The following VWA5B2 variants were observed in gnomAD, a reference collection of about 807,000 sequenced individuals.
VWA5B2 encodes the protein von Willebrand factor A domain containing 5B2.
VWA5B2 carries 93 observed loss-of-function variants against 118.5 expected under a neutral mutation model. The observed-to-expected ratio is 0.79, with a 90% CI of 0.66 to 0.93. VWA5B2 has a LOEUF of 0.93. Among genes scored for constraint, VWA5B2 ranks in the 40% least tolerant of loss-of-function variants. The pLI is 0.00. For synonymous variants in VWA5B2, 708 were observed against 716.3 expected (o/e 0.99, Z 0.19); for missense variants, 1,546 against 1,672.8 (o/e 0.92, Z 1.32).
intron 6 of VWA5B2, 104 bp from the exon 7 acceptor site, chr3:184,234,527 G>GT (rs1430826258): frequency 6.6e-7 from 1 of 1,522,086 alleles, no homozygotes; most frequent in Non-Finnish European, 8.8e-7. Context: ...AGAGCCTGTG[G>GT]TGCAGGAAGG....
At position 184,241,839 on chromosome 3, in the gene VWA5B2, A is replaced by G. The variant is rs989133515; in HGVS notation, c.3530A>G (p.Glu1177Gly). 2.5e-5 allele frequency: 39 copies of G among 1,534,370 alleles called. No individual in the cohort carries two copies. Among genetic ancestry groups the G allele is most frequent in the Non-Finnish European group, 3.4e-5 (39 of 1,141,444 alleles). Residue 1177 changes from glutamate to glycine, a missense_variant, in exon 20 of 20, where the codon GAG becomes GGG. Glu to Gly is a moderately conservative substitution (Grantham distance 98). This residue lies in a region of VWA5B2 where 763 missense variants were observed against 766.6 expected (regional missense o/e 1.00). Coordinates refer to ENST00000691901, the MANE Select transcript of VWA5B2 (RefSeq NM_001390846.1). This position sits in a 1 kb window ranked among gnomAD's most constrained non-coding sequence, Gnocchi z 5.1. ...ACTGCCGTAGCACTCGCCTGGCTGG[A>G]GCACCGATGCGCCGCTGCCTTCGAC... ...WATAVALAWL[E>G]HRCAAAFDEW...
chr3:184,230,815 C>T lies in VWA5B2; in HGVS notation c.208C>T (p.Arg70Cys). The change falls in exon 3 of 20, where the codon CGC (arginine) becomes TGC (cysteine). Residue 70 changes from arginine (R) to cysteine (C), a missense_variant. Arg to Cys is a radical substitution (Grantham distance 180). Transcript: ENST00000691901. ...CTTCGAGGCCGAGGCCGCCGGACGG[C>T]GCGTCTCCTTCCAGCTGCAGAGCCG... Reference protein sequence around the residue: ...SGFEAEAAGRRVSFQLQSRRR... With the variant: ...SGFEAEAAGRCVSFQLQSRRR... The T allele has an allele frequency of 3.2e-6, 4 of 1,254,216 alleles. No homozygotes were observed. Among genetic ancestry groups the T allele is most frequent in the Non-Finnish European group, 4.0e-6 (4 of 999,652 alleles). The allele number at this position is 1,254,216 out of a possible 1,614,324, so 77.7% of individuals were successfully genotyped here.
rs556303413 is a variant in VWA5B2, at chr3:184,233,758, C to T, written c.688+25C>T. On this transcript the variant is annotated intron_variant, in intron 5 of 19. Coordinates refer to ENST00000691901, the MANE Select transcript of VWA5B2 (RefSeq NM_001390846.1). The surrounding 1 kb of genome is among the most constrained non-coding windows in gnomAD (Gnocchi z 5.2). The stretch of plus-strand genomic sequence containing the variant: ...GGTGGGTGCATCTGGCTGGCCTGCC[C>T]TCTTTTCAGATGCCCACTCCACCCA... 1.9e-6 allele frequency: 3 copies of T among 1,547,934 alleles called. No individual in the cohort carries two copies. The highest frequency in any genetic ancestry group is 1.2e-5 in the South Asian group (1 of 83,716).
rs1717334996 is a variant in VWA5B2, at chr3:184,230,972, C to A, written c.310+55C>A. The A allele has an allele frequency of 4.1e-6, 5 of 1,206,126 alleles. No homozygotes were observed. The South Asian group carries it at 1.7e-4, about 40-fold the overall frequency. The allele number at this position is 1,206,126 out of a possible 1,614,324, so 74.7% of individuals were successfully genotyped here. ...CTGAAAGCCGGGCGCAGCTCAGGCT[C>A]CCGCATCCGCTCGGCCTCCGCCCGT... On this transcript the variant is annotated intron_variant, in intron 3 of 19. Coordinates refer to ENST00000691901, the MANE Select transcript of VWA5B2 (RefSeq NM_001390846.1).
chr3:184,241,374 T>A lies in VWA5B2; in HGVS notation c.3150T>A (p.Ser1050Arg). The A allele has an allele frequency of 6.4e-7, 1 of 1,568,238 alleles. No homozygotes were observed. Among genetic ancestry groups the A allele is most frequent in the Non-Finnish European group, 8.6e-7 (1 of 1,156,396 alleles). Residue 1050 changes from serine to arginine, a missense_variant, in exon 19 of 20, where the codon AGT (serine) becomes AGA (arginine). Physicochemically the swap from Ser to Arg is moderately radical, Grantham distance 110. This residue lies in a region of VWA5B2 where 763 missense variants were observed against 766.6 expected (regional missense o/e 1.00). Transcript: ENST00000691901. The surrounding 1 kb of genome is among the most constrained non-coding windows in gnomAD (Gnocchi z 5.1). ...CSPDPGQANN[S>R]EGSDHDYLPL... ...CTGACCCGGGCCAGGCCAACAACAG[T>A]GAAGGCAGCGACCATGACTACCTGC...
At position 184,239,652 on chromosome 3, in the gene VWA5B2, C is replaced by T; in HGVS notation, c.2393-37C>T. 6.8e-7 allele frequency: 1 copy of T among 1,468,664 alleles called. No homozygotes were observed. Among genetic ancestry groups the T allele is most frequent in the Non-Finnish European group, 9.1e-7 (1 of 1,102,876 alleles). The allele number at this position is 1,468,664 out of a possible 1,614,324, so 91.0% of individuals were successfully genotyped here. A position where few individuals can be genotyped will look rare whatever the true frequency, so the allele number is the denominator to read the frequency against. On this transcript the variant is annotated intron_variant, in intron 15 of 19. Coordinates refer to ENST00000691901, the MANE Select transcript of VWA5B2 (RefSeq NM_001390846.1). The surrounding 1 kb of genome is among the most constrained non-coding windows in gnomAD (Gnocchi z 5.1). ...CCTTGGGGAGGTAAAGCCCAGAGGA[C>T]CACTCTGCCCATGCCCCTGCTGTCT...
At position 184,237,103 on chromosome 3, in the gene VWA5B2, C is replaced by T; in HGVS notation, c.1534-123C>T. 1 of 1,099,754 alleles carries T rather than the reference C, an allele frequency of 9.1e-7. No individual in the cohort carries two copies. The highest frequency in any genetic ancestry group is 1.3e-6 in the Non-Finnish European group (1 of 774,014). The allele number at this position is 1,099,754 out of a possible 1,614,324, so 68.1% of individuals were successfully genotyped here. A position where few individuals can be genotyped will look rare whatever the true frequency, so the allele number is the denominator to read the frequency against. On this transcript the variant is annotated intron_variant, in intron 11 of 19. Transcript: ENST00000691901. This position sits in a 1 kb window ranked among gnomAD's most constrained non-coding sequence, Gnocchi z 5.6. The stretch of plus-strand genomic sequence containing the variant: ...ATTCCTTCTCCTGACCCCAGCCTGG[C>T]CCTGTGCCCCATCAGCTTAGGGGCT...
In VWA5B2 at chr3:184,241,487, C is replaced by T; in HGVS notation, c.3181-3C>T. 1.3e-6 allele frequency: 2 copies of T among 1,553,794 alleles called. No individual in the cohort carries two copies. The highest frequency in any genetic ancestry group is 8.7e-7 in the Non-Finnish European group (1 of 1,148,268). On this transcript the variant is annotated splice_region_variant and splice_polypyrimidine_tract_variant and intron_variant, in intron 19 of 19. Transcript: ENST00000691901. This position sits in a 1 kb window ranked among gnomAD's most constrained non-coding sequence, Gnocchi z 5.1. ...CTTCTCCCCCCACCTCCTCTCTCCT[C>T]AGGTGCGGCTGCAGGAGGCACCAGG...
At position 184,241,905 on chromosome 3, in the gene VWA5B2, G is replaced by A; in HGVS notation, c.3596G>A (p.Arg1199Gln). ...GCGGCCAAGGCTGATTGCTGGCTGC[G>A]GGCCCAGCACTTGCCTGACGGCCTT... ...LTAAKADCWL[R>Q]AQHLPDGLDL... Residue 1199 changes from arginine to glutamine, a missense_variant, in exon 20 of 20, where the codon CGG (arginine) becomes CAG (glutamine). Physicochemically the swap from Arg to Gln is conservative, Grantham distance 43. This residue lies in a region of VWA5B2 where 763 missense variants were observed against 766.6 expected (regional missense o/e 1.00). Coordinates refer to ENST00000691901, the MANE Select transcript of VWA5B2 (RefSeq NM_001390846.1). The surrounding 1 kb of genome is among the most constrained non-coding windows in gnomAD (Gnocchi z 5.1). The A allele has an allele frequency of 5.8e-6, 9 of 1,548,088 alleles. No homozygotes were observed. The highest frequency in any genetic ancestry group is 1.2e-5 in the South Asian group (1 of 84,046).
Position 184,237,492 on chromosome 3 carries a change from C to A in VWA5B2, c.1719+81C>A. The A allele has an allele frequency of 7.2e-7, 1 of 1,394,490 alleles. No homozygotes were observed. The highest frequency in any genetic ancestry group is 9.7e-7 in the Non-Finnish European group (1 of 1,032,812). The allele number at this position is 1,394,490 out of a possible 1,614,324, so 86.4% of individuals were successfully genotyped here. The stretch of plus-strand genomic sequence containing the variant: ...ATGGCTGAAGTCCCCGCATCTCTTC[C>A]AAACCCTTTTTCCATTCTCTGTGCC... On this transcript the variant is annotated intron_variant, in intron 12 of 19. Coordinates refer to ENST00000691901, the MANE Select transcript of VWA5B2 (RefSeq NM_001390846.1). The surrounding 1 kb of genome is among the most constrained non-coding windows in gnomAD (Gnocchi z 5.6).
At chr3:184,229,871 C>A (rs1022492281) in intron 1 of VWA5B2, among the ~76,000 whole-genome samples, 158 bp downstream of exon 1, 1 of 152,152 alleles carries the variant, frequency 6.6e-6, no homozygotes, top group Non-Finnish European at 1.5e-5. Context: ...CTCTCCCTGG[C>A]CCGACACCTC....
At position 184,230,815 on chromosome 3, in the gene VWA5B2, C is replaced by A; in HGVS notation, c.208C>A (p.Arg70Ser). ...CTTCGAGGCCGAGGCCGCCGGACGG[C>A]GCGTCTCCTTCCAGCTGCAGAGCCG... ...SGFEAEAAGR[R>S]VSFQLQSRRR... is the part of the protein sequence containing the mutation. The change falls in exon 3 of 20, where the codon CGC (arginine) becomes AGC (serine). Residue 70 changes from arginine to serine, a missense_variant. By Grantham distance (110) the Arg-to-Ser change is moderately radical. Coordinates refer to ENST00000691901, the MANE Select transcript of VWA5B2 (RefSeq NM_001390846.1). The A allele has an allele frequency of 3.2e-6, 4 of 1,254,216 alleles. 1 individual carries two copies. The East Asian group carries it at 1.0e-4, about 31-fold the overall frequency. 77.7% of individuals were successfully genotyped at this position (1,254,216 alleles called of 1,614,324 possible). A position where few individuals can be genotyped will look rare whatever the true frequency, so the allele number is the denominator to read the frequency against.
rs774989370 is a variant in VWA5B2 at position 184,236,429 on chromosome 3, C to T, written c.1299C>T (p.Ala433=). 2.3e-4 allele frequency: 358 copies of T among 1,546,960 alleles called. No homozygotes were observed. The highest frequency in any genetic ancestry group is 3.1e-4 in the Non-Finnish European group (351 of 1,146,698). The change falls in exon 10 of 20, where the codon GCC becomes GCT. Residue 433 remains alanine (A), a synonymous_variant. Transcript: ENST00000691901. Reference sequence around the variant, plus strand: ...ACGTGCTGGCTGCTCTGGACTGGGCCGTGGGGCAGCCCCAGCACAGGGCCT... The same window carrying T: ...ACGTGCTGGCTGCTCTGGACTGGGCTGTGGGGCAGCCCCAGCACAGGGCCT... ...PPDVLAALDW[A]VGQPQHRAYP... is the part of the protein sequence containing the mutation.
chr3:184,242,222 C>T lies in VWA5B2; in HGVS notation c.*184C>T, dbSNP rs991860747. ...GTGCCTGCCTGTGCTCTCTCCCTCT[C>T]CTCCCACCCCACTCACACTCCCCTC... On this transcript the variant is annotated 3_prime_UTR_variant, in exon 20 of 20. Coordinates refer to ENST00000691901, the MANE Select transcript of VWA5B2 (RefSeq NM_001390846.1). 44 of 791,658 alleles carry T rather than the reference C, an allele frequency of 5.6e-5. No homozygotes were observed. The East Asian group carries it at 9.9e-4, about 18-fold the overall frequency. The allele number at this position is 791,658 out of a possible 1,614,324, so 49.0% of individuals were successfully genotyped here. A position where few individuals can be genotyped will look rare whatever the true frequency, so the allele number is the denominator to read the frequency against.
In VWA5B2 at chr3:184,241,956, CCCGAGGGCT is replaced by C; in HGVS notation, c.3649_3657del (p.Arg1217_Leu1219del). On this transcript the variant is annotated inframe_deletion, in exon 20 of 20. Coordinates refer to ENST00000691901, the MANE Select transcript of VWA5B2 (RefSeq NM_001390846.1). This position sits in a 1 kb window ranked among gnomAD's most constrained non-coding sequence, Gnocchi z 5.1. ...GACCTGGCCGCCCTCAAGGCCGCAG[CCCGAGGGCT>C]CTTCCTGCTACTGCGCCACTGGGAC... is the stretch of plus-strand genomic sequence containing the variant. 1 of 1,549,856 alleles carries C rather than the reference CCCGAGGGCT, an allele frequency of 6.5e-7. No individual in the cohort carries two copies. The highest frequency in any genetic ancestry group is 8.7e-7 in the Non-Finnish European group (1 of 1,146,874).
At chr3:184,240,535 G>T in intron 16 of VWA5B2, 1 of 534,534 alleles carries the variant, frequency 1.9e-6, no homozygotes, top group Non-Finnish European at 3.3e-6. Flanking sequence ...GCCAGCTAAT[G>T]CTTCCTCTGG....
Position 184,237,418 on chromosome 3 carries a change from T to C in VWA5B2, c.1719+7T>C. 2 of 1,545,554 alleles carry C rather than the reference T, an allele frequency of 1.3e-6. No individual in the cohort carries two copies. On this transcript the variant is annotated splice_region_variant and intron_variant, in intron 12 of 19. Coordinates refer to ENST00000691901, the MANE Select transcript of VWA5B2 (RefSeq NM_001390846.1). This position sits in a 1 kb window ranked among gnomAD's most constrained non-coding sequence, Gnocchi z 5.6. Reference sequence around the variant, plus strand: ...CCGGTCCCGCCCACCAGGGGTAAGCTTGGGCTGGGGTGTGGTAGGGGGGCT... The same window carrying C: ...CCGGTCCCGCCCACCAGGGGTAAGCCTGGGCTGGGGTGTGGTAGGGGGGCT...
rs1383521980 is a variant in VWA5B2 at position 184,234,236 on chromosome 3, AT to A, written c.689-29del. On this transcript the variant is annotated intron_variant, in intron 5 of 19. Transcript: ENST00000691901. ...GTCCCTGGGAAGGTGTTATGGCTAC[AT>A]CTCCCCTTCCTGCCTCTATGTCCCT... The A allele has an allele frequency of 2.6e-6, 4 of 1,548,918 alleles. No individual in the cohort carries two copies. The African/African-American group carries it at 5.5e-5, about 21-fold the overall frequency.
In VWA5B2 at chr3:184,236,527, T is replaced by A. The variant is rs772713104; in HGVS notation, c.1397T>A (p.Met466Lys). 12 of 1,549,990 alleles carry A rather than the reference T, an allele frequency of 7.7e-6. No individual in the cohort carries two copies. Among genetic ancestry groups the A allele is most frequent in the Admixed American group, 3.9e-5 (2 of 50,994 alleles). ...AATTHRTLELMRWHRGTARCF... is the reference protein window; with the variant it reads ...AATTHRTLELKRWHRGTARCF... ...ACTACCCACCGAACCCTGGAGCTCA[T>A]GAGGTGGCACAGGGGGACAGCCAGG... The change falls in exon 10 of 20, where the codon ATG becomes AAG. Residue 466 changes from methionine to lysine, a missense_variant. Met to Lys is a moderately conservative substitution (Grantham distance 95). This residue lies in a region of VWA5B2 where 775 missense variants were observed against 882.3 expected (regional missense o/e 0.88). Transcript: ENST00000691901.
Sources: gnomAD v4.1 joint callset for allele counts (sites outside exome capture counted in the v4.1 genomes callset) on GRCh38, gnomAD v4.1.1 for gene constraint, gnomAD v4.1.1 regional missense constraint, Gnocchi (gnomAD v3.1) non-coding constraint, MANE v1.5 for transcripts, NCBI Gene and HGNC (gene_info 2026-07-23, HGNC 2026-07-21) for gene names.